Variants in CPEB2 observed in about 807,000 individuals in gnomAD.
CPEB2 encodes cytoplasmic polyadenylation element-binding protein 2.
In CPEB2, 56 loss-of-function variants were observed where a neutral mutation model predicts 93.6. The ratio of observed to expected loss-of-function variants is 0.60; its 90% CI spans 0.48 to 0.75. The LOEUF (loss-of-function observed/expected upper bound fraction) is 0.75, where lower values mean the gene tolerates loss of function less well. Among genes scored for constraint, CPEB2 ranks in the 30% least tolerant of loss-of-function variants. The pLI is 0.00. For missense variants in CPEB2, 1,579 were observed against 1,395.1 expected (o/e 1.13, Z -2.10); for synonymous variants, 764 against 586.3 (o/e 1.30, Z -4.38).
chr4:15,049,259 T>G (rs1460726588), intron 6 of CPEB2, among the ~76,000 whole-genome samples: 3 of 152,104 alleles, frequency 2.0e-5, no homozygotes, highest in African/African-American at 7.2e-5. Context: ...GCATTCTTTT[T>G]TTTTTAATAT....
chr4:15,053,158 A>G (rs1728395934), intron 7 of CPEB2, among the ~76,000 whole-genome samples: 1 of 151,932 alleles, frequency 6.6e-6, no homozygotes, highest in Admixed American at 6.6e-5. Flanking sequence ...CTGGGACTAC[A>G]GGCGCCCGCC....
chr4:15,053,362 A>T (rs1047229150), intron 7 of CPEB2, among the ~76,000 whole-genome samples: 1 of 152,196 alleles, frequency 6.6e-6, no homozygotes, highest in African/African-American at 2.4e-5. Context: ...GAAACAGGGA[A>T]GAAAGAGGCT....
chr4:15,027,358 GTAAGGAATGA>G (rs1725598957), intron 4 of CPEB2, among the ~76,000 whole-genome samples: 1 of 152,192 alleles, frequency 6.6e-6, no homozygotes, highest in African/African-American at 2.4e-5. Flanking sequence ...TTAGATGTAG[GTAAGGAATGA>G]TTCTGTTGCT....
chr4:15,019,474 C>T (rs1724579627), intron 4 of CPEB2, among the ~76,000 whole-genome samples: 1 of 151,960 alleles, frequency 6.6e-6, no homozygotes, highest in African/African-American at 2.4e-5. Flanking sequence ...ATGGAATAAA[C>T]CATCCAGGGT....
chr4:15,004,151 C>A lies in CPEB2; in HGVS notation c.1478C>A (p.Ser493Ter). The A allele has an allele frequency of 7.2e-7, 1 of 1,381,934 alleles. No individual in the cohort carries two copies. The highest frequency in any genetic ancestry group is 9.5e-7 in the Non-Finnish European group (1 of 1,055,422). 85.6% of individuals were successfully genotyped at this position (1,381,934 alleles called of 1,614,324 possible). A position where few individuals can be genotyped will look rare whatever the true frequency, so the allele number is the denominator to read the frequency against. The part of the protein sequence containing the change: ...GGGGGFGGPF[S>*]ATAVPPPPPP... ...GGCGGCGGCTTCGGCGGCCCCTTCT[C>A]GGCTACCGCTGTGCCCCCTCCGCCG... is the stretch of plus-strand genomic sequence containing the variant. Residue 493 changes from serine to a stop codon, truncating the protein, a stop_gained, in exon 1 of 12, where the codon TCG becomes TAG. Transcript: ENST00000538197. LOFTEE classifies it high-confidence loss of function.
chr4:15,028,142 A>T (rs1279857350), intron 4 of CPEB2, among the ~76,000 whole-genome samples: 1 of 152,180 alleles, frequency 6.6e-6, no homozygotes, highest in African/African-American at 2.4e-5. Context: ...GTGAGTTAGC[A>T]TCATCAACTG....
chr4:15,066,905 G>GA lies in CPEB2; in HGVS notation c.*528dup, dbSNP rs1729741341. The stretch of plus-strand genomic sequence containing the variant: ...TTTTGCTCTCCATTTTGACTTGCAA[G>GA]AAATAATACCTCAAGATAATCTGAT... On this transcript the variant is annotated 3_prime_UTR_variant, in exon 12 of 12. Coordinates refer to ENST00000538197, the MANE Select transcript of CPEB2 (RefSeq NM_001177382.2). 6.5e-6 allele frequency: 1 copy of GA among 153,902 alleles called. No homozygotes were observed. Among genetic ancestry groups the GA allele is most frequent in the Non-Finnish European group, 1.4e-5 (1 of 68,976 alleles). 9.5% of individuals were successfully genotyped at this position (153,902 alleles called of 1,614,324 possible). A position where few individuals can be genotyped will look rare whatever the true frequency, so the allele number is the denominator to read the frequency against.
chr4:15,043,497 T>C (rs1727379069), intron 6 of CPEB2, among the ~76,000 whole-genome samples: 2 of 152,168 alleles, frequency 1.3e-5, no homozygotes, highest in Admixed American at 6.5e-5. Context: ...TTATCATTTG[T>C]ATTTATTTTT....
rs1030935244 is a variant in CPEB2 at position 15,003,130 on chromosome 4, T to G, written c.457T>G (p.Ser153Ala). ...SLHHPSSSSASSCCCCRTSSP... is the reference protein window; with the variant it reads ...SLHHPSSSSAASCCCCRTSSP... ...GCACCACCCCTCCTCCTCCTCCGCC[T>G]CCTCCTGCTGCTGCTGCCGCACCTC... Residue 153 changes from serine (S) to alanine (A), a missense_variant, in exon 1 of 12, where the codon TCC (serine) becomes GCC (alanine). Ser to Ala is a moderately conservative substitution (Grantham distance 99). Transcript: ENST00000538197. The G allele has an allele frequency of 7.3e-5, 111 of 1,530,436 alleles. No individual in the cohort carries two copies. Among genetic ancestry groups the G allele is most frequent in the Middle Eastern group, 6.7e-4 (4 of 5,978 alleles). 94.8% of individuals were successfully genotyped at this position (1,530,436 alleles called of 1,614,324 possible).
Position 15,016,619 on chromosome 4 carries a change from A to G in CPEB2, c.2035-569A>G, listed in dbSNP as rs1724177531. On this transcript the variant is annotated intron_variant, in intron 3 of 11. Coordinates refer to ENST00000538197, the MANE Select transcript of CPEB2 (RefSeq NM_001177382.2). Reference sequence around the variant, plus strand: ...TAGAGAGTAATATATGAATCTGAATATTCTAGGCATTAGTCCCTGTTCTGG... The same window carrying G: ...TAGAGAGTAATATATGAATCTGAATGTTCTAGGCATTAGTCCCTGTTCTGG... Among the ~76,000 whole-genome samples, 3 of 151,968 alleles carry G rather than the reference A, an allele frequency of 2.0e-5. No homozygotes were observed. In the South Asian group the frequency reaches 6.2e-4, roughly 31 times the overall value.
At chr4:15,065,324 C>T (rs1025302185) in intron 11 of CPEB2, among the ~76,000 whole-genome samples, 2 of 152,024 alleles carry the variant, frequency 1.3e-5, no homozygotes, top group African/African-American at 4.8e-5. Context: ...CTGTTGTCTC[C>T]TAAGGAACGG....
chr4:15,013,731 T>C (rs1045542027), intron 3 of CPEB2, among the ~76,000 whole-genome samples: 1 of 152,070 alleles, frequency 6.6e-6, no homozygotes, highest in Non-Finnish European at 1.5e-5. Context: ...ATGTGCTCTT[T>C]GGTTGCTCAA....
At chr4:15,052,794 T>A in intron 7 of CPEB2, among the ~76,000 whole-genome samples, 1 of 152,110 alleles carries the variant, frequency 6.6e-6, no homozygotes, top group Non-Finnish European at 1.5e-5. Context: ...TTAGATCTTA[T>A]CATATTTGTA....
chr4:15,020,126 T>TA (rs1449974222), intron 4 of CPEB2, among the ~76,000 whole-genome samples: 1 of 152,080 alleles, frequency 6.6e-6, no homozygotes, highest in Admixed American at 6.6e-5. Context: ...CATGGTTGCT[T>TA]ATATCCCCCA....
chr4:15,050,896 A>T lies in CPEB2; in HGVS notation c.2201-1518A>T, dbSNP rs941491064. On this transcript the variant is annotated intron_variant, in intron 6 of 11. Transcript: ENST00000538197. ...GGAGTTGACTCCAAATTATTTTCTC[A>T]GAAATATGACATTTCTTTTCTCCAC... Among the ~76,000 whole-genome samples, 7 of 152,202 alleles carry T rather than the reference A, an allele frequency of 4.6e-5. No individual in the cohort carries two copies. The South Asian group carries it at 1.5e-3, about 32-fold the overall frequency.
At chr4:15,051,042 A>G (rs1335703926) in intron 6 of CPEB2, among the ~76,000 whole-genome samples, 1 of 152,094 alleles carries the variant, frequency 6.6e-6, no homozygotes, top group Non-Finnish European at 1.5e-5. Flanking sequence ...AACTGTCCTT[A>G]TATCAGTTAA....
rs1722282431 is a variant in CPEB2 at position 15,003,477 on chromosome 4, G to A, written c.804G>A (p.Pro268=). 2.2e-6 allele frequency: 3 copies of A among 1,392,986 alleles called. No homozygotes were observed. The highest frequency in any genetic ancestry group is 3.2e-5 in the Admixed American group (1 of 31,356). 86.3% of individuals were successfully genotyped at this position (1,392,986 alleles called of 1,614,324 possible). A position where few individuals can be genotyped will look rare whatever the true frequency, so the allele number is the denominator to read the frequency against. Residue 268 remains proline (P), a synonymous_variant, in exon 1 of 12, where the codon CCG becomes CCA. Coordinates refer to ENST00000538197, the MANE Select transcript of CPEB2 (RefSeq NM_001177382.2). The stretch of plus-strand genomic sequence containing the variant: ...CGCTCCCGCAGCTCCCTCCCTCGCC[G>A]CCTGCAGCCCCGCGGCGCCGCCACG... ...LPPLPQLPPS[P]PAAPRRRHGG...
At chr4:15,058,757 T>G (rs560061371) in intron 9 of CPEB2, among the ~76,000 whole-genome samples, 2 of 152,276 alleles carry the variant, frequency 1.3e-5, no homozygotes, top group African/African-American at 4.8e-5. Flanking sequence ...CAGCAGGAGA[T>G]GAGTGGCAGG....
chr4:15,010,201 G>GT (rs1419121252), intron 3 of CPEB2, among the ~76,000 whole-genome samples: 6 of 152,154 alleles, frequency 3.9e-5, no homozygotes, highest in African/African-American at 1.2e-4. Context: ...TAGTTTATAG[G>GT]TTTTCATCTC....
Sources: gnomAD v4.1 joint callset for allele counts (sites outside exome capture counted in the v4.1 genomes callset) on GRCh38, gnomAD v4.1.1 for gene constraint, MANE v1.5 for transcripts, NCBI Gene and HGNC (gene_info 2026-07-23, HGNC 2026-07-21) for gene names.